Variants in TOX observed in about 807,000 individuals in gnomAD.
TOX encodes thymocyte selection-associated high mobility group box protein TOX.
TOX carries 11 observed loss-of-function variants against 53.7 expected under a neutral mutation model. That is an observed-to-expected ratio of 0.20 (90% confidence interval 0.13 to 0.34). The LOEUF (loss-of-function observed/expected upper bound fraction) is 0.34, where lower values mean the gene tolerates loss of function less well. Among genes scored for constraint, TOX ranks in the 10% least tolerant of loss-of-function variants. The pLI is 1.00. For synonymous variants in TOX, 225 were observed against 245.3 expected, an observed-to-expected ratio of 0.92 and a Z score of 0.77; for missense variants, 570 against 664.6, an observed-to-expected ratio of 0.86 and a Z score of 1.56.
intron 1 of TOX, among the ~76,000 whole-genome samples, chr8:59,101,474 A>C (rs918979665): frequency 1.7e-4 from 26 of 152,204 alleles, no homozygotes; most frequent in Non-Finnish European, 7.3e-5. Context: ...TCTCTTAGTC[A>C]TTAATTTTTC....
intron 3 of TOX, among the ~76,000 whole-genome samples, chr8:58,869,530 T>C (rs559631283): frequency 6.6e-6 from 1 of 152,200 alleles, no homozygotes; most frequent in African/African-American, 2.4e-5. Flanking sequence ...TCATAACTCA[T>C]GCTATGAGAA....
intron 6 of TOX, among the ~76,000 whole-genome samples, chr8:58,817,969 T>C (rs1023033037): frequency 1.3e-5 from 2 of 152,164 alleles, no homozygotes; most frequent in Non-Finnish European, 2.9e-5. Context: ...AATTTAATTT[T>C]CCTGAATTCT....
At chr8:59,021,499 T>TATAC (rs1554539851) in intron 1 of TOX, among the ~76,000 whole-genome samples, 4 of 109,642 alleles carry the variant, frequency 3.6e-5, no homozygotes, top group South Asian at 2.7e-4. Flanking sequence ...TATATATATA[T>TATAC]GCACATATAT....
chr8:59,102,027 A>G (rs1471802493), intron 1 of TOX, among the ~76,000 whole-genome samples: 1 of 152,186 alleles, frequency 6.6e-6, no homozygotes, highest in African/African-American at 2.4e-5. Flanking sequence ...GGGCATCCAT[A>G]TCAGTTTGTT....
At chr8:58,830,209 A>G (rs1296651958) in intron 5 of TOX, among the ~76,000 whole-genome samples, 2 of 152,180 alleles carry the variant, frequency 1.3e-5, no homozygotes, top group East Asian at 1.9e-4. Context: ...TACATCATTT[A>G]TCATTTTCCC....
chr8:58,813,387 G>A (rs1416087637), intron 7 of TOX, among the ~76,000 whole-genome samples: 2 of 152,168 alleles, frequency 1.3e-5, no homozygotes, highest in Non-Finnish European at 2.9e-5. Context: ...TTTCCTTCAG[G>A]AAGAAACAGC....
At chr8:58,871,707 G>T (rs1811202276) in intron 3 of TOX, among the ~76,000 whole-genome samples, 1 of 152,138 alleles carries the variant, frequency 6.6e-6, no homozygotes, top group African/African-American at 2.4e-5. Flanking sequence ...ATGGATAGTG[G>T]ATGTGGGTGC....
At chr8:59,063,364 C>T (rs1442444309) in intron 1 of TOX, among the ~76,000 whole-genome samples, 7 of 151,066 alleles carry the variant, frequency 4.6e-5, no homozygotes, top group Admixed American at 4.0e-4. Flanking sequence ...TTTTTTTATT[C>T]CAAAAGACTG....
At position 58,833,381 on chromosome 8, in the gene TOX, G is replaced by A. The variant is rs376824844; in HGVS notation, c.924+4700C>T. Among the ~76,000 whole-genome samples the A allele has an allele frequency of 1.2e-3, 182 of 152,242 alleles. 1 individual carries two copies. Among genetic ancestry groups the A allele is most frequent in the Admixed American group, 9.2e-4 (14 of 15,284 alleles). Reference sequence around the variant, plus strand: ...GGACCAACCCTTTCTGCTTCAAAGCGGGACGAGCTCTTTTATTTTGTAGGG... The same window carrying A: ...GGACCAACCCTTTCTGCTTCAAAGCAGGACGAGCTCTTTTATTTTGTAGGG... On this transcript the variant is annotated intron_variant, in intron 5 of 8. Coordinates refer to ENST00000361421, the MANE Select transcript of TOX (RefSeq NM_014729.3).
At chr8:59,103,204 A>C (rs184773797) in intron 1 of TOX, among the ~76,000 whole-genome samples, 27 of 152,352 alleles carry the variant, frequency 1.8e-4, no homozygotes, top group Admixed American at 1.5e-3. Flanking sequence ...AAGATAAAAT[A>C]CTTTGTCAAG....
chr8:59,070,287 T>C (rs1405113404), intron 1 of TOX, among the ~76,000 whole-genome samples: 3 of 152,296 alleles, frequency 2.0e-5, no homozygotes, highest in African/African-American at 7.2e-5. Context: ...GGGTCTCTTA[T>C]ACCTACACAG....
chr8:58,885,512 A>C (rs940780085), intron 3 of TOX, among the ~76,000 whole-genome samples: 98 of 152,270 alleles, frequency 6.4e-4, no homozygotes, highest in Non-Finnish European at 1.5e-4. Flanking sequence ...TCTGATGGTC[A>C]TAATAATTTA....
chr8:59,012,108 C>G (rs1323731829), intron 1 of TOX, among the ~76,000 whole-genome samples: 2 of 152,048 alleles, frequency 1.3e-5, no homozygotes, highest in Non-Finnish European at 2.9e-5. Context: ...ATGTGACCAG[C>G]CTTTTGTCTC....
intron 5 of TOX, among the ~76,000 whole-genome samples, chr8:58,833,874 A>T (rs139587070): frequency 1.3e-5 from 2 of 152,354 alleles, no homozygotes; most frequent in African/African-American, 4.8e-5. Context: ...GGAATGATTC[A>T]TAAGGGAGGT....
intron 1 of TOX, among the ~76,000 whole-genome samples, chr8:59,093,036 G>T (rs1164153336): frequency 6.6e-6 from 1 of 152,168 alleles, no homozygotes; most frequent in African/African-American, 2.4e-5. Flanking sequence ...GAGTATTGTC[G>T]GGAAGTGGAA....
At chr8:59,057,614 G>GC (rs1018201275) in intron 1 of TOX, among the ~76,000 whole-genome samples, 15 of 152,006 alleles carry the variant, frequency 9.9e-5, no homozygotes, top group Admixed American at 3.3e-4. Context: ...TATTCTCTCC[G>GC]CCCCCCGCCT....
At chr8:59,065,351 C>T (rs1335418625) in intron 1 of TOX, among the ~76,000 whole-genome samples, 2 of 152,038 alleles carry the variant, frequency 1.3e-5, no homozygotes, top group Non-Finnish European at 2.9e-5. Context: ...TACAATTGCA[C>T]GTTACTTCAG....
intron 4 of TOX, 39 bp from the exon 5 acceptor site, chr8:58,838,350 G>T: frequency 6.5e-7 from 1 of 1,540,474 alleles, no homozygotes; most frequent in Non-Finnish European, 8.9e-7. Flanking sequence ...GGGGGACTGA[G>T]ACAATTTGGG....
At chr8:59,064,417 T>G (rs368013978) in intron 1 of TOX, among the ~76,000 whole-genome samples, 5 of 152,334 alleles carry the variant, frequency 3.3e-5, no homozygotes, top group Admixed American at 6.5e-5. Context: ...TTCAACAAAT[T>G]AAAATGTTTG....
Sources: gnomAD v4.1 joint callset for allele counts (sites outside exome capture counted in the v4.1 genomes callset) on GRCh38, gnomAD v4.1.1 for gene constraint, MANE v1.5 for transcripts, NCBI Gene and HGNC (gene_info 2026-07-23, HGNC 2026-07-21) for gene names.